THAP10: variants seen among roughly 807,000 people sequenced by gnomAD.
THAP10 encodes THAP domain containing 10.
In THAP10, 10 loss-of-function variants were observed where a neutral mutation model predicts 15.7. That is an observed-to-expected ratio of 0.64 (90% CI 0.39 to 1.08). The LOEUF (loss-of-function observed/expected upper bound fraction) is 1.08, where lower values mean the gene tolerates loss of function less well. Among genes scored for constraint, THAP10 ranks in the 50% least tolerant of loss-of-function variants. THAP10 has a pLI of 0.01. For missense variants in THAP10, 310 were observed against 330.9 expected (o/e 0.94, Z 0.49); for synonymous variants, 127 against 129.1 (o/e 0.98, Z 0.11).
chr15:70,890,260 A>G (rs2033518263), intron 1 of THAP10, among the ~76,000 whole-genome samples: 1 of 152,102 alleles, frequency 6.6e-6, no homozygotes, highest in Non-Finnish European at 1.5e-5. Flanking sequence ...ACACATATAT[A>G]TGTATGTGGA....
chr15:70,892,030 C>T lies in THAP10; in HGVS notation c.243G>A (p.Leu81=), dbSNP rs773026515. Residue 81 remains leucine, a synonymous_variant, in exon 1 of 3, where the codon CTG becomes CTA. Transcript: ENST00000249861. ...GCAGGGTGGGCACGGCGCCTGCCAC[C>T]AGCCTCAGGCGCTGGGAGAAGCGCA... ...KNLRFSQRLR[L]VAGAVPTLHR... is the part of the protein sequence containing the mutation. The T allele has an allele frequency of 9.9e-6, 16 of 1,613,140 alleles. No individual in the cohort carries two copies. The highest frequency in any genetic ancestry group is 1.4e-5 in the Non-Finnish European group (16 of 1,179,664).
At chr15:70,891,714 A>C in intron 1 of THAP10, 130 bp downstream of exon 1, 1 of 805,820 alleles carries the variant, frequency 1.2e-6, no homozygotes, top group Non-Finnish European at 1.9e-6. Flanking sequence ...CCTCTAAAGC[A>C]CACCCCTAAC....
At chr15:70,890,775 A>G (rs1473573715) in intron 1 of THAP10, among the ~76,000 whole-genome samples, 1 of 152,210 alleles carries the variant, frequency 6.6e-6, no homozygotes, top group East Asian at 1.9e-4. Context: ...ACATGCAACA[A>G]CTGAGCAAAG....
rs1337806000 is a variant in THAP10 at position 70,892,365 on chromosome 15, C to G, written c.-93G>C. 1.9e-6 allele frequency: 3 copies of G among 1,547,614 alleles called. No homozygotes were observed. The African/African-American group carries it at 4.1e-5, about 21-fold the overall frequency. On this transcript the variant is annotated 5_prime_UTR_variant, in exon 1 of 3. Coordinates refer to ENST00000249861, the MANE Select transcript of THAP10 (RefSeq NM_020147.4). ...CGGCCTCGGCGAGGCAAGTCCTCCC[C>G]TCCTCACCTGTCCACTCCGGGTCGG... is the stretch of plus-strand genomic sequence containing the variant.
intron 1 of THAP10, among the ~76,000 whole-genome samples, chr15:70,885,251 T>A (rs1477262333): frequency 1.3e-5 from 2 of 152,012 alleles, no homozygotes; most frequent in East Asian, 3.8e-4. Flanking sequence ...ACAGAAAATG[T>A]CATAACAGAC....
chr15:70,890,132 G>C (rs1454824800), intron 1 of THAP10, among the ~76,000 whole-genome samples: 1 of 152,140 alleles, frequency 6.6e-6, no homozygotes, highest in Non-Finnish European at 1.5e-5. Context: ...GACTTTGGTT[G>C]TTTGACTAGC....
At chr15:70,883,765 G>A (rs545549151) in intron 1 of THAP10, among the ~76,000 whole-genome samples, 27 of 150,154 alleles carry the variant, frequency 1.8e-4, no homozygotes, top group African/African-American at 4.9e-4. Context: ...AGCAATTGTC[G>A]TGCCTCAGCC....
rs539393656 is a variant in THAP10, at chr15:70,884,499, G to A, written c.430-1591C>T. On this transcript the variant is annotated intron_variant, in intron 1 of 2. Coordinates refer to ENST00000249861, the MANE Select transcript of THAP10 (RefSeq NM_020147.4). ...CACACCACTGCACTCCAGCCTGGGC[G>A]ACAGAGTGAGGCTCTGTTTCAAACA... is the stretch of plus-strand genomic sequence containing the variant. Among the ~76,000 whole-genome samples the A allele has an allele frequency of 2.0e-4, 30 of 151,858 alleles. 1 individual carries two copies. In the South Asian group the frequency reaches 5.6e-3, roughly 28 times the overall value.
At chr15:70,886,603 C>T (rs1035900796) in intron 1 of THAP10, among the ~76,000 whole-genome samples, 32 of 152,046 alleles carry the variant, frequency 2.1e-4, no homozygotes, top group African/African-American at 7.7e-4. Context: ...TGCGGTGGCT[C>T]ACGCCTGTAA....
intron 1 of THAP10, among the ~76,000 whole-genome samples, chr15:70,883,935 C>T (rs530079257): frequency 1.3e-5 from 2 of 152,050 alleles, no homozygotes; most frequent in East Asian, 3.9e-4. Flanking sequence ...GGATTACAGG[C>T]GTGTGCTATT....
At chr15:70,883,324 T>C (rs2033316374) in intron 1 of THAP10, among the ~76,000 whole-genome samples, 1 of 152,136 alleles carries the variant, frequency 6.6e-6, no homozygotes, top group Admixed American at 6.5e-5. Context: ...CCCAAGTAGC[T>C]GGGATTACAG....
rs2033588049 is a variant in THAP10 at position 70,891,881 on chromosome 15, GTACAGGA to G, written c.385_391del (p.Ser129HisfsTer54). ...AGCCTGCTTCCCAGCTCGGGGGCGT[GTACAGGA>G]GACTGGACCTGGGGCAGCCTCAGAA... On this transcript the variant is annotated frameshift_variant, in exon 1 of 3. Coordinates refer to ENST00000249861, the MANE Select transcript of THAP10 (RefSeq NM_020147.4). LOFTEE classifies it high-confidence loss of function. 1 of 1,611,480 alleles carries G rather than the reference GTACAGGA, an allele frequency of 6.2e-7. No homozygotes were observed. The highest frequency in any genetic ancestry group is 8.5e-7 in the Non-Finnish European group (1 of 1,179,422).
intron 1 of THAP10, among the ~76,000 whole-genome samples, chr15:70,886,050 G>A (rs1343963497): frequency 6.6e-6 from 1 of 151,970 alleles, no homozygotes; most frequent in Non-Finnish European, 1.5e-5. Flanking sequence ...CCAGAGATAC[G>A]GGAATTAAAA....
chr15:70,882,451 T>C lies in THAP10; in HGVS notation c.*3A>G. On this transcript the variant is annotated 3_prime_UTR_variant, in exon 3 of 3. Transcript: ENST00000249861. ...GCACATCAGAGCATTTGATGTTGAG[T>C]TTTTAACATGTTTCTTCTTTCACCT... The C allele has an allele frequency of 1.2e-6, 2 of 1,604,836 alleles. No homozygotes were observed. The highest frequency in any genetic ancestry group is 1.7e-6 in the Non-Finnish European group (2 of 1,175,126).
chr15:70,882,359 TATCTTGAAGTGAAAGATTTACA>T lies in THAP10; in HGVS notation c.*73_*94del. 1 of 1,150,272 alleles carries T rather than the reference TATCTTGAAGTGAAAGATTTACA, an allele frequency of 8.7e-7. No individual in the cohort carries two copies. The highest frequency in any genetic ancestry group is 1.2e-6 in the Non-Finnish European group (1 of 809,090). 71.3% of individuals were successfully genotyped at this position (1,150,272 alleles called of 1,614,324 possible). ...TTATGCTGATACTCAACTGTCAAAT[TATCTTGAAGTGAAAGATTTACA>T]ATAGCAAAGAGATAATTATGTGAGT... is the stretch of plus-strand genomic sequence containing the variant. On this transcript the variant is annotated 3_prime_UTR_variant, in exon 3 of 3. Coordinates refer to ENST00000249861, the MANE Select transcript of THAP10 (RefSeq NM_020147.4).
Position 70,882,586 on chromosome 15 carries a change from T to G in THAP10, c.642A>C (p.Glu214Asp), listed in dbSNP as rs761043928. The change falls in exon 3 of 3, where the codon GAA (glutamate) becomes GAC (aspartate). Residue 214 changes from glutamate (E) to aspartate (D), a missense_variant. By Grantham distance (45) the Glu-to-Asp change is conservative (BLOSUM62 2). Transcript: ENST00000249861. ...AGAGAGAGGAAGTTCTAGACCACAA[T>G]TCCTCTGTCTGAGTAGTTGCATTAC... ...RLCNATTQTE[E>D]LWSRTSSLFD... The G allele has an allele frequency of 1.9e-6, 3 of 1,613,960 alleles. No individual in the cohort carries two copies. The highest frequency in any genetic ancestry group is 2.5e-6 in the Non-Finnish European group (3 of 1,179,850).
chr15:70,892,034 C>T lies in THAP10; in HGVS notation c.239G>A (p.Arg80Lys), dbSNP rs200277721. 113 of 1,613,406 alleles carry T rather than the reference C, an allele frequency of 7.0e-5. 1 individual carries two copies. Among genetic ancestry groups the T allele is most frequent in the Middle Eastern group, 3.3e-4 (2 of 6,060 alleles). Residue 80 changes from arginine (R) to lysine (K), a missense_variant, in exon 1 of 3, where the codon AGG (arginine) becomes AAG (lysine). By Grantham distance (26) the Arg-to-Lys change is conservative. Coordinates refer to ENST00000249861, the MANE Select transcript of THAP10 (RefSeq NM_020147.4). ...GGTGGGCACGGCGCCTGCCACCAGC[C>T]TCAGGCGCTGGGAGAAGCGCAGGTT... ...QKNLRFSQRL[R>K]LVAGAVPTLH...
intron 1 of THAP10, among the ~76,000 whole-genome samples, chr15:70,887,039 TAATC>T (rs1488910639): frequency 6.6e-6 from 1 of 152,146 alleles, no homozygotes; most frequent in Non-Finnish European, 1.5e-5. Context: ...AAAATACTAT[TAATC>T]AAAATGGATA....
intron 1 of THAP10, among the ~76,000 whole-genome samples, chr15:70,886,921 A>G (rs1595981982): frequency 6.6e-6 from 1 of 152,278 alleles, no homozygotes; most frequent in African/African-American, 2.4e-5. Flanking sequence ...AGAAAAAATG[A>G]AAAAGCAAAA....
Sources: gnomAD v4.1 joint callset for allele counts (sites outside exome capture counted in the v4.1 genomes callset) on GRCh38, gnomAD v4.1.1 for gene constraint, MANE v1.5 for transcripts, NCBI Gene and HGNC (gene_info 2026-07-23, HGNC 2026-07-21) for gene names.